The following KSR2 variants were observed in gnomAD, a reference collection of about 807,000 sequenced individuals.
KSR2 encodes kinase suppressor of ras 2.
A neutral mutation model predicts 107.8 loss-of-function variants in KSR2; 25 were observed. The ratio of observed to expected loss-of-function variants is 0.23; its 90% CI spans 0.17 to 0.32. The LOEUF (loss-of-function observed/expected upper bound fraction) is 0.32. Among genes scored for constraint, KSR2 ranks in the 10% least tolerant of loss-of-function variants. The pLI is 1.00. For missense variants in KSR2, 887 were observed against 1,268.9 expected (o/e 0.70, Z 4.57); for synonymous variants, 480 against 507.0 (o/e 0.95, Z 0.71).
At chr12:117,788,798 C>T (rs1412072430) in intron 3 of KSR2, among the ~76,000 whole-genome samples, 2 of 152,196 alleles carry the variant, frequency 1.3e-5, no homozygotes, top group Admixed American at 1.3e-4. Context: ...TAGGTGTGAG[C>T]CACATTGCCC....
chr12:117,490,642 T>C (rs935110420), intron 14 of KSR2, among the ~76,000 whole-genome samples: 2 of 152,198 alleles, frequency 1.3e-5, no homozygotes, highest in Non-Finnish European at 2.9e-5. Flanking sequence ...GTGATCCTCC[T>C]GTCTCAGTCT....
intron 7 of KSR2, among the ~76,000 whole-genome samples, chr12:117,567,088 C>A (rs1593000560): frequency 6.6e-6 from 1 of 152,192 alleles, no homozygotes; most frequent in African/African-American, 2.4e-5. Context: ...GATGGCCCTG[C>A]CTTCAAAGAG....
chr12:117,469,855 G>T, intron 18 of KSR2, 60 bp from the exon 19 acceptor site: 1 of 1,578,550 alleles, frequency 6.3e-7, no homozygotes, highest in East Asian at 2.3e-5. Flanking sequence ...TTACTCTTTG[G>T]CATCACATTT....
rs1284460029 is a variant in KSR2 at position 117,804,287 on chromosome 12, C to T, written c.473-42763G>A. Among the ~76,000 whole-genome samples the T allele has an allele frequency of 2.6e-5, 4 of 152,226 alleles. No homozygotes were observed. In the East Asian group the frequency reaches 5.8e-4, roughly 22 times the overall value. On this transcript the variant is annotated intron_variant, in intron 3 of 19. Transcript: ENST00000339824. ...TGAACTCCTGATCTCAGGTGATCCA[C>T]CTGCCTTGGCCTCCCAAAGTGCTGG...
chr12:117,731,922 A>G lies in KSR2; in HGVS notation c.986+29089T>C, dbSNP rs544585690. 1.4e-3 allele frequency among the ~76,000 whole-genome samples: 196 copies of G among 139,112 alleles called. 1 individual carries two copies. Among genetic ancestry groups the G allele is most frequent in the African/African-American group, 4.3e-3 (168 of 39,382 alleles). The allele number at this position is 139,112 out of a possible 152,430, so 91.3% of individuals were successfully genotyped here. A position where few individuals can be genotyped will look rare whatever the true frequency, so the allele number is the denominator to read the frequency against. ...CGGAAGGCCGCAGGGTCCTGTGCCT[A>G]GGAAAACTAGAGACCCTTGTTCACA... is the stretch of plus-strand genomic sequence containing the variant. On this transcript the variant is annotated intron_variant, in intron 4 of 19. Transcript: ENST00000339824.
chr12:117,669,622 C>A (rs1303249356), intron 4 of KSR2, among the ~76,000 whole-genome samples: 1 of 151,550 alleles, frequency 6.6e-6, no homozygotes, highest in African/African-American at 2.4e-5. Flanking sequence ...AATCCCAGCA[C>A]TTTCGGGGGC....
At chr12:117,966,607 T>TCA (rs1202072461) in intron 1 of KSR2, among the ~76,000 whole-genome samples, 27 of 113,994 alleles carry the variant, frequency 2.4e-4, no homozygotes, top group Non-Finnish European at 4.3e-4. Context: ...TCTCTCTCTC[T>TCA]CTCTCACACG....
chr12:117,491,380 A>C (rs180887276), intron 14 of KSR2, among the ~76,000 whole-genome samples: 3 of 152,220 alleles, frequency 2.0e-5, no homozygotes, highest in Non-Finnish European at 4.4e-5. Context: ...GGGTTTCACC[A>C]TGTTGGCCAG....
intron 5 of KSR2, among the ~76,000 whole-genome samples, chr12:117,643,601 C>T (rs1195904682): frequency 2.0e-5 from 3 of 152,200 alleles, no homozygotes; most frequent in Admixed American, 1.3e-4. Context: ...TATGGAAACA[C>T]TCACTACATT....
At chr12:117,572,863 T>A (rs961502653) in intron 7 of KSR2, among the ~76,000 whole-genome samples, 6 of 151,990 alleles carry the variant, frequency 3.9e-5, no homozygotes, top group Admixed American at 2.0e-4. Flanking sequence ...TCTGCAGAAA[T>A]TTGTGGAAGG....
chr12:117,670,734 G>A (rs1315843188), intron 4 of KSR2, among the ~76,000 whole-genome samples: 4 of 152,124 alleles, frequency 2.6e-5, no homozygotes, highest in Non-Finnish European at 5.9e-5. Flanking sequence ...TTGCTCTGGA[G>A]TAACTAAATA....
At chr12:117,699,557 T>C (rs1490341970) in intron 4 of KSR2, among the ~76,000 whole-genome samples, 1 of 152,218 alleles carries the variant, frequency 6.6e-6, no homozygotes, top group Non-Finnish European at 1.5e-5. Context: ...TGTAATGCAA[T>C]GTAATTATTT....
intron 3 of KSR2, among the ~76,000 whole-genome samples, chr12:117,847,198 G>A (rs907482256): frequency 2.6e-5 from 4 of 152,188 alleles, no homozygotes; most frequent in Non-Finnish European, 4.4e-5. Flanking sequence ...CCTTTCCCAA[G>A]TTAGAAGCAA....
At chr12:117,583,166 T>C (rs1214267560) in intron 5 of KSR2, among the ~76,000 whole-genome samples, 3 of 151,450 alleles carry the variant, frequency 2.0e-5, no homozygotes, top group South Asian at 2.1e-4. Flanking sequence ...GGTGAGTAGA[T>C]GGATGGACAG....
chr12:117,896,584 C>G (rs913502983), intron 1 of KSR2, among the ~76,000 whole-genome samples: 4 of 151,986 alleles, frequency 2.6e-5, no homozygotes, highest in Non-Finnish European at 5.9e-5. Flanking sequence ...CTCAGCCTCC[C>G]AAGTAGCTGG....
chr12:117,925,843 G>A lies in KSR2; in HGVS notation c.180+42233C>T, dbSNP rs111684302. On this transcript the variant is annotated intron_variant, in intron 1 of 19. Coordinates refer to ENST00000339824, the MANE Select transcript of KSR2 (RefSeq NM_173598.6). ...GCTGGGGTAGGGGTTTAGCTAGTAC[G>A]GGACAGGGCCCAATGTAGCCTTTTC... Among the ~76,000 whole-genome samples, 362 of 152,244 alleles carry A rather than the reference G, an allele frequency of 2.4e-3. 2 individuals carry two copies. The highest frequency in any genetic ancestry group is 6.8e-3 in the Middle Eastern group (2 of 292).
chr12:117,840,985 G>C (rs1460695699), intron 3 of KSR2, among the ~76,000 whole-genome samples: 1 of 142,802 alleles, frequency 7.0e-6, no homozygotes, highest in Non-Finnish European at 1.5e-5. Flanking sequence ...CGGGGCGACA[G>C]AGTGATTCTG....
intron 19 of KSR2, chr12:117,467,876 TC>T: frequency 1.1e-5 from 5 of 440,186 alleles, no homozygotes; most frequent in South Asian, 8.1e-5. Flanking sequence ...AATGGAAAAT[TC>T]CACTGAACCC....
At chr12:117,775,866 C>G (rs1889667633) in intron 3 of KSR2, among the ~76,000 whole-genome samples, 1 of 152,122 alleles carries the variant, frequency 6.6e-6, no homozygotes, top group African/African-American at 2.4e-5. Flanking sequence ...TGTTCTCACT[C>G]ATAAGTGGGA....
Sources: allele counts gnomAD v4.1 joint callset (sites outside exome capture counted in the v4.1 genomes callset), GRCh38; gene constraint gnomAD v4.1.1; transcripts MANE v1.5; gene names NCBI Gene and HGNC (gene_info 2026-07-23, HGNC 2026-07-21).